CLMP: variants seen among roughly 807,000 people sequenced by gnomAD.
CLMP encodes the protein CXADR-like membrane protein.
A neutral mutation model predicts 45.2 loss-of-function variants in CLMP; 27 were observed. The observed-to-expected ratio is 0.60, with a 90% CI of 0.44 to 0.82. The LOEUF is 0.82. Among genes scored for constraint, CLMP ranks in the 40% least tolerant of loss-of-function variants. The pLI is 0.00. For missense variants in CLMP, 403 were observed against 448.4 expected, an observed-to-expected ratio of 0.90 and a Z score of 0.91; for synonymous variants, 167 against 171.4, an observed-to-expected ratio of 0.97 and a Z score of 0.20.
At chr11:123,139,685 G>A (rs1364618313) in intron 1 of CLMP, among the ~76,000 whole-genome samples, 1 of 152,074 alleles carries the variant, frequency 6.6e-6, no homozygotes, top group Non-Finnish European at 1.5e-5. Flanking sequence ...GCATGGTGGC[G>A]CATGCCTGTA....
At chr11:123,158,403 T>A (rs2135531436) in intron 1 of CLMP, among the ~76,000 whole-genome samples, 1 of 152,296 alleles carries the variant, frequency 6.6e-6, no homozygotes, top group Non-Finnish European at 1.5e-5. Flanking sequence ...GAATTCAGGA[T>A]CGGCGGAAGG....
At position 123,073,629 on chromosome 11, in the gene CLMP, C is replaced by T. The variant is rs1309113954; in HGVS notation, c.967G>A (p.Ala323Thr). 6.2e-7 allele frequency: 1 copy of T among 1,614,240 alleles called. No homozygotes were observed. The highest frequency in any genetic ancestry group is 1.1e-5 in the South Asian group (1 of 91,092). Residue 323 changes from alanine to threonine, a missense_variant, in exon 7 of 7, where the codon GCA becomes ACA. Transcript: ENST00000448775. ...RSQRTLSTDAAPQPGLATQAY... is the reference protein window; with the variant it reads ...RSQRTLSTDATPQPGLATQAY... ...TGGGTGGCCAGCCCTGGCTGGGGTG[C>T]TGCGTCAGTTGACAGTGTCCGCTGG... is the stretch of plus-strand genomic sequence containing the variant.
At chr11:123,102,216 A>C (rs1006187655) in intron 1 of CLMP, among the ~76,000 whole-genome samples, 6 of 149,970 alleles carry the variant, frequency 4.0e-5, no homozygotes, top group Admixed American at 3.3e-4. Flanking sequence ...CAACTTCCCT[A>C]GTTATTCCTG....
chr11:123,152,566 A>ATAAT (rs1555084855), intron 1 of CLMP, among the ~76,000 whole-genome samples: 53 of 144,004 alleles, frequency 3.7e-4, no homozygotes, highest in African/African-American at 8.8e-4. Flanking sequence ...AAATAAATAA[A>ATAAT]AAATAAATAA....
chr11:123,117,673 C>A (rs147106189), intron 1 of CLMP, among the ~76,000 whole-genome samples: 2,696 of 152,040 alleles, frequency 0.018, 81 homozygotes, highest in African/African-American at 0.06. Flanking sequence ...GTGATCCACT[C>A]GCCTTGGCCT....
At chr11:123,126,339 G>C (rs1860895116) in intron 1 of CLMP, among the ~76,000 whole-genome samples, 1 of 152,178 alleles carries the variant, frequency 6.6e-6, no homozygotes, top group African/African-American at 2.4e-5. Context: ...AGTTTTCAGA[G>C]AGACATGCAA....
At position 123,074,705 on chromosome 11, in the gene CLMP, A is replaced by G. The variant is rs1160902287; in HGVS notation, c.818T>C (p.Ile273Thr). 1 of 1,613,852 alleles carries G rather than the reference A, an allele frequency of 6.2e-7. No individual in the cohort carries two copies. The highest frequency in any genetic ancestry group is 1.3e-5 in the African/African-American group (1 of 74,898). ...RYEEEERPNE[I>T]REDAEAPKAR... is the part of the protein sequence containing the mutation. ...AGTAGGGATGTGGGAGGTTTACCGA[A>G]TTTCATTAGGTCTCTCTTCTTCCTC... The change falls in exon 6 of 7, where the codon ATT becomes ACT. Residue 273 changes from isoleucine to threonine, a missense_variant. Transcript: ENST00000448775.
chr11:123,141,386 G>A (rs915116928), intron 1 of CLMP, among the ~76,000 whole-genome samples: 19 of 151,828 alleles, frequency 1.3e-4, no homozygotes, highest in African/African-American at 2.7e-4. Context: ...GGGTTTCACC[G>A]TGTTACCAAG....
chr11:123,103,603 A>G (rs969641014), intron 1 of CLMP, among the ~76,000 whole-genome samples: 1 of 152,136 alleles, frequency 6.6e-6, no homozygotes, highest in African/African-American at 2.4e-5. Context: ...CAGGGCGCAT[A>G]CACTTCTAGT....
chr11:123,168,331 G>T (rs1162054863), intron 1 of CLMP, among the ~76,000 whole-genome samples: 1 of 152,192 alleles, frequency 6.6e-6, no homozygotes, highest in Non-Finnish European at 1.5e-5. Flanking sequence ...GCTTTGACCA[G>T]ACAGCATCTA....
At chr11:123,175,829 A>C (rs1861691067) in intron 1 of CLMP, among the ~76,000 whole-genome samples, 1 of 152,224 alleles carries the variant, frequency 6.6e-6, no homozygotes, top group African/African-American at 2.4e-5. Flanking sequence ...TCACTCTGAA[A>C]GATCACATCC....
In CLMP at chr11:123,175,175, A is replaced by G. The variant is rs117482204; in HGVS notation, c.28+19738T>C. On this transcript the variant is annotated intron_variant, in intron 1 of 6. Coordinates refer to ENST00000448775, the MANE Select transcript of CLMP (RefSeq NM_024769.5). ...TGTATTAGTCCATTTTCACACTGCT[A>G]TAAAGAACTTCCCTGAGACTGGGTA... Among the ~76,000 whole-genome samples the G allele has an allele frequency of 2.4e-3, 365 of 152,290 alleles. 10 individuals carry two copies. In the East Asian group the frequency reaches 0.065, roughly 27 times the overall value.
At chr11:123,108,781 C>A (rs112492529) in intron 1 of CLMP, among the ~76,000 whole-genome samples, 15,518 of 152,078 alleles carry the variant, frequency 0.1, 885 homozygotes, top group East Asian at 0.16. Context: ...TGGCTGGGCG[C>A]GGTGGCTCAT....
intron 1 of CLMP, among the ~76,000 whole-genome samples, chr11:123,105,353 TTCCCTCCCTCCCTCCCTCCC>T (rs377721480): frequency 7.8e-4 from 81 of 104,190 alleles, no homozygotes; most frequent in African/African-American, 1.7e-3. Context: ...TTTCCTTCCC[TTCCCTCCCTCCCTCCCTCCC>T]TCCCTCCCTC....
intron 1 of CLMP, among the ~76,000 whole-genome samples, chr11:123,167,546 A>G (rs1035418077): frequency 6.7e-6 from 1 of 149,860 alleles, no homozygotes; most frequent in Non-Finnish European, 1.5e-5. Context: ...TGGCCTCCCA[A>G]AGTGCTGGGA....
Position 123,075,212 on chromosome 11 carries a change from C to G in CLMP, c.680-369G>C, listed in dbSNP as rs190320870. On this transcript the variant is annotated intron_variant, in intron 5 of 6. Transcript: ENST00000448775. The stretch of plus-strand genomic sequence containing the variant: ...CAGGTGATCCACCAGACTCAGCCTC[C>G]GAAAGTGCTGGGATTACAGGCGGGA... Among the ~76,000 whole-genome samples the G allele has an allele frequency of 4.6e-5, 7 of 152,228 alleles. No individual in the cohort carries two copies. The South Asian group carries it at 1.0e-3, about 23-fold the overall frequency.
rs961287864 is a variant in CLMP at position 123,154,360 on chromosome 11, A to G, written c.28+40553T>C. 4.6e-5 allele frequency among the ~76,000 whole-genome samples: 7 copies of G among 152,242 alleles called. No individual in the cohort carries two copies. The East Asian group carries it at 1.4e-3, about 29-fold the overall frequency. On this transcript the variant is annotated intron_variant, in intron 1 of 6. Coordinates refer to ENST00000448775, the MANE Select transcript of CLMP (RefSeq NM_024769.5). ...AAATAGCTGTAGAACCTATAGGCAC[A>G]TTGGCTGGGGAGACAGCCCAGCATG... is the stretch of plus-strand genomic sequence containing the variant.
At chr11:123,153,388 G>A (rs938736336) in intron 1 of CLMP, among the ~76,000 whole-genome samples, 5 of 152,128 alleles carry the variant, frequency 3.3e-5, no homozygotes, top group Non-Finnish European at 5.9e-5. Context: ...TCCTATTGCC[G>A]TGACCATATT....
chr11:123,082,329 G>A (rs745536017), intron 5 of CLMP, among the ~76,000 whole-genome samples: 1 of 152,010 alleles, frequency 6.6e-6, no homozygotes, highest in Non-Finnish European at 1.5e-5. Flanking sequence ...GTTTTTTTTG[G>A]TTGGAGTCTC....
Sources: allele counts gnomAD v4.1 joint callset (sites outside exome capture counted in the v4.1 genomes callset), GRCh38; gene constraint gnomAD v4.1.1; transcripts MANE v1.5; gene names NCBI Gene and HGNC (gene_info 2026-07-23, HGNC 2026-07-21).